Variants in PRKN observed in about 807,000 individuals in gnomAD.
PRKN encodes E3 ubiquitin-protein ligase parkin.
A neutral mutation model predicts 59.5 loss-of-function variants in PRKN; 56 were observed. The observed-to-expected ratio is 0.94, with a 90% CI of 0.76 to 1.18. The LOEUF is 1.18. Ranked by LOEUF, PRKN falls within the 50% of genes most tolerant of loss-of-function variation. The pLI, the probability that PRKN is intolerant of heterozygous loss-of-function variation, is 0.00. For missense variants in PRKN, 657 were observed against 596.4 expected, an observed-to-expected ratio of 1.10 and a Z score of -1.06; for synonymous variants, 250 against 222.1, an observed-to-expected ratio of 1.13 and a Z score of -1.12.
chr6:161,871,089 A>G (rs988118897), intron 6 of PRKN, among the ~76,000 whole-genome samples: 4 of 151,846 alleles, frequency 2.6e-5, no homozygotes, highest in Non-Finnish European at 5.9e-5. Context: ...GAAAATAAGA[A>G]TAAGAGGGAA....
At chr6:161,958,652 G>A (rs995085175) in intron 6 of PRKN, among the ~76,000 whole-genome samples, 1 of 152,082 alleles carries the variant, frequency 6.6e-6, no homozygotes, top group African/African-American at 2.4e-5. Context: ...GCCAAGACAG[G>A]TGGATCACCT....
rs545521399 is a variant in PRKN at position 161,407,356 on chromosome 6, C to T, written c.1084-20479G>A. Among the ~76,000 whole-genome samples, 8 of 152,048 alleles carry T rather than the reference C, an allele frequency of 5.3e-5. No individual in the cohort carries two copies. The South Asian group carries it at 6.3e-4, about 12-fold the overall frequency. On this transcript the variant is annotated intron_variant, in intron 9 of 11. Coordinates refer to ENST00000366898, the MANE Select transcript of PRKN (RefSeq NM_004562.3). The surrounding 1 kb of genome is among the most constrained non-coding windows in gnomAD (Gnocchi z 4.9). ...GGCTGGGGAAGGGGGCAGCTGCACT[C>T]GGTGGGAGGCTCTGCACACTGGCAC...
chr6:161,647,408 T>C (rs1241873977), intron 7 of PRKN, among the ~76,000 whole-genome samples: 1 of 152,194 alleles, frequency 6.6e-6, no homozygotes, highest in East Asian at 1.9e-4. Flanking sequence ...CTAAGGTCTC[T>C]GAGCAGCCAT....
In PRKN at chr6:161,874,287, T is replaced by TAAAA. The variant is rs796579223; in HGVS notation, c.735-88380_735-88379insTTTT. Among the ~76,000 whole-genome samples the TAAAA allele has an allele frequency of 7.0e-3, 114 of 16,180 alleles. 27 individuals are homozygous for TAAAA. Among genetic ancestry groups the TAAAA allele is most frequent in the Non-Finnish European group, 8.4e-3 (71 of 8,496 alleles). The allele number at this position is 16,180 out of a possible 152,430, so 10.6% of individuals were successfully genotyped here. On this transcript the variant is annotated intron_variant, in intron 6 of 11. Coordinates refer to ENST00000366898, the MANE Select transcript of PRKN (RefSeq NM_004562.3). ...TAAAATATATAATATATATTATATA[T>TAAAA]TATATATTACATGTAAAATATTATA...
chr6:161,887,250 T>C (rs956341482), intron 6 of PRKN, among the ~76,000 whole-genome samples: 1 of 152,148 alleles, frequency 6.6e-6, no homozygotes, highest in Non-Finnish European at 1.5e-5. Context: ...TCAAGCTGAA[T>C]GGTTACAGAG....
At position 162,325,523 on chromosome 6, in the gene PRKN, T is replaced by C. The variant is rs944629289; in HGVS notation, c.172-62758A>G. 2.6e-5 allele frequency among the ~76,000 whole-genome samples: 4 copies of C among 152,124 alleles called. No homozygotes were observed. The South Asian group carries it at 6.2e-4, about 24-fold the overall frequency. On this transcript the variant is annotated intron_variant, in intron 2 of 11. Transcript: ENST00000366898. ...ATGTTCCCAGGGTCTACAGAGGCTCTACCACAACAAGATGGGGAAGCCCAG... is the reference window on the plus strand; with the variant it reads ...ATGTTCCCAGGGTCTACAGAGGCTCCACCACAACAAGATGGGGAAGCCCAG...
chr6:161,958,009 T>G (rs1005527761), intron 6 of PRKN, among the ~76,000 whole-genome samples: 1 of 152,314 alleles, frequency 6.6e-6, no homozygotes, highest in African/African-American at 2.4e-5. Flanking sequence ...TAAATAAATG[T>G]AATACCCTTT....
chr6:162,251,616 TAA>T lies in PRKN; in HGVS notation c.412+10907_412+10908del, dbSNP rs566219094. 7.7e-3 allele frequency among the ~76,000 whole-genome samples: 1,171 copies of T among 152,280 alleles called. 25 individuals are homozygous for T. Among genetic ancestry groups the T allele is most frequent in the Middle Eastern group, 6.8e-3 (2 of 294 alleles). On this transcript the variant is annotated intron_variant, in intron 3 of 11. Transcript: ENST00000366898. ...ATAAACCAAATATTCGAAATAAAAATAAGTCACAATCCCATCACAAGAAGAAA... is the reference window on the plus strand; with the variant it reads ...ATAAACCAAATATTCGAAATAAAAATGTCACAATCCCATCACAAGAAGAAA...
chr6:162,501,323 C>T (rs1475312332), intron 1 of PRKN, among the ~76,000 whole-genome samples: 1 of 150,722 alleles, frequency 6.6e-6, no homozygotes, highest in Non-Finnish European at 1.5e-5. Flanking sequence ...TATCTTTAAA[C>T]TTCATTATGT....
chr6:162,451,814 A>T (rs537315014), intron 1 of PRKN, among the ~76,000 whole-genome samples: 1 of 152,238 alleles, frequency 6.6e-6, no homozygotes, highest in Admixed American at 6.5e-5. Context: ...GGGCAGAAAA[A>T]TTTTTCAAAA....
intron 1 of PRKN, among the ~76,000 whole-genome samples, chr6:162,443,809 T>G (rs957881203): frequency 2.6e-5 from 4 of 152,102 alleles, no homozygotes; most frequent in African/African-American, 4.8e-5. Context: ...TTGAAAAGAC[T>G]CAGCTCTGAC....
Position 161,515,261 on chromosome 6 carries a change from G to A in PRKN, c.1083+33593C>T, listed in dbSNP as rs1344154349. ...CCCCTTCCTGTTATCTGAAAACACA[G>A]AACAGCGTTAGATAATTTAAAATGA... On this transcript the variant is annotated intron_variant, in intron 9 of 11. Transcript: ENST00000366898. Among the ~76,000 whole-genome samples the A allele has an allele frequency of 2.0e-5, 3 of 151,946 alleles. No individual in the cohort carries two copies. In the East Asian group the frequency reaches 5.8e-4, roughly 29 times the overall value.
At chr6:162,490,830 C>T (rs1440792361) in intron 1 of PRKN, among the ~76,000 whole-genome samples, 3 of 152,126 alleles carry the variant, frequency 2.0e-5, no homozygotes, top group Non-Finnish European at 4.4e-5. Context: ...CACACTGAGC[C>T]CTTCAAAAGG....
chr6:161,580,949 C>A (rs918285874), intron 7 of PRKN, among the ~76,000 whole-genome samples: 2 of 151,940 alleles, frequency 1.3e-5, no homozygotes, highest in African/African-American at 4.8e-5. Context: ...CACCTGTAAT[C>A]CCAGCACTTT....
intron 9 of PRKN, among the ~76,000 whole-genome samples, chr6:161,509,598 G>T (rs1778305444): frequency 6.7e-6 from 1 of 148,950 alleles, no homozygotes; most frequent in Non-Finnish European, 1.5e-5. Context: ...AAGAAAAAAA[G>T]GCTGGGCACG....
In PRKN at chr6:161,353,204, C is replaced by T. The variant is rs1282392210; in HGVS notation, c.1286-2993G>A. On this transcript the variant is annotated intron_variant, in intron 11 of 11. Transcript: ENST00000366898. The surrounding 1 kb of genome is among the most constrained non-coding windows in gnomAD (Gnocchi z 4.8). ...GCGCCAGAAAAGAGAATCTCTCCCTCCGACCTTTCCTTGCCCTCCTTTTAC... is the reference window on the plus strand; with the variant it reads ...GCGCCAGAAAAGAGAATCTCTCCCTTCGACCTTTCCTTGCCCTCCTTTTAC... 6.6e-6 allele frequency among the ~76,000 whole-genome samples: 1 copy of T among 152,168 alleles called. No individual in the cohort carries two copies. The highest frequency in any genetic ancestry group is 1.5e-5 in the Non-Finnish European group (1 of 68,040).
At chr6:162,654,726 A>ATTGACTCACAGTTCCACATGGCT (rs1166971525) in intron 1 of PRKN, among the ~76,000 whole-genome samples, 2 of 152,162 alleles carry the variant, frequency 1.3e-5, no homozygotes, top group African/African-American at 4.8e-5. Flanking sequence ...AAGATGTTTG[A>ATTGACTCACAGTTCCACATGGCT]TTGACTCACA....
chr6:161,687,051 G>A (rs1785583619), intron 7 of PRKN, among the ~76,000 whole-genome samples: 1 of 152,166 alleles, frequency 6.6e-6, no homozygotes, highest in Non-Finnish European at 1.5e-5. Flanking sequence ...AAGAAGTCAT[G>A]TTTGGGTAGT....
chr6:162,357,372 A>T (rs1784919544), intron 2 of PRKN, among the ~76,000 whole-genome samples: 1 of 152,230 alleles, frequency 6.6e-6, no homozygotes, highest in Admixed American at 6.5e-5. Context: ...ACAGCTGGCA[A>T]GTAAGCATAT....
Sources: allele counts gnomAD v4.1 joint callset (sites outside exome capture counted in the v4.1 genomes callset), GRCh38; gene constraint gnomAD v4.1.1; non-coding constraint Gnocchi (gnomAD v3.1); transcripts MANE v1.5; gene names NCBI Gene and HGNC (gene_info 2026-07-23, HGNC 2026-07-21).